The following RADIL variants were observed in gnomAD, a reference collection of about 807,000 sequenced individuals.
RADIL encodes ras-associating and dilute domain-containing protein.
RADIL carries 99 observed loss-of-function variants against 97.6 expected under a neutral mutation model. That is an observed-to-expected ratio of 1.01 (90% CI 0.86 to 1.20). The LOEUF (loss-of-function observed/expected upper bound fraction) is 1.20. RADIL is among the 50% of genes most tolerant of loss of function. The pLI is 0.00. For synonymous variants in RADIL, 803 were observed against 691.8 expected (o/e 1.16, Z -2.52); for missense variants, 1,765 against 1,498.9 (o/e 1.18, Z -2.93).
chr7:4,872,969 G>A lies in RADIL; in HGVS notation c.535+4636C>T, dbSNP rs1033387773. Among the ~76,000 whole-genome samples, 1 of 152,082 alleles carries A rather than the reference G, an allele frequency of 6.6e-6. No individual in the cohort carries two copies. The highest frequency in any genetic ancestry group is 1.5e-5 in the Non-Finnish European group (1 of 68,014). On this transcript the variant is annotated intron_variant, in intron 2 of 14. Transcript: ENST00000399583. This position sits in a 1 kb window ranked among gnomAD's most constrained non-coding sequence, Gnocchi z 5.8. ...TGTTTTTCTTTTGAGTCAGAGTCTC[G>A]CTCTGTCACCCAGGCTGGAGTGCAG...
chr7:4,799,370 C>T lies in RADIL; in HGVS notation c.*8G>A. On this transcript the variant is annotated 3_prime_UTR_variant, in exon 15 of 15. Coordinates refer to ENST00000399583, the MANE Select transcript of RADIL (RefSeq NM_018059.5). ...TGCCGGGCCTGTGGGGGTGTCCTCG[C>T]AGCCCCCCTAGAGAGGGGGCGTGCG... 1 of 1,612,802 alleles carries T rather than the reference C, an allele frequency of 6.2e-7. No individual in the cohort carries two copies. Among genetic ancestry groups the T allele is most frequent in the Non-Finnish European group, 8.5e-7 (1 of 1,179,324 alleles).
chr7:4,825,694 G>A (rs1583285255), intron 5 of RADIL, among the ~76,000 whole-genome samples: 1 of 151,690 alleles, frequency 6.6e-6, no homozygotes, highest in East Asian at 2.0e-4. Context: ...TGACCAACAT[G>A]GTGAAACCCC....
intron 1 of RADIL, among the ~76,000 whole-genome samples, chr7:4,882,470 C>T (rs1583335987): frequency 6.6e-6 from 1 of 152,320 alleles, no homozygotes; most frequent in Middle Eastern, 3.4e-3. Context: ...CTCTTGTTCT[C>T]AAGGAAGGGT....
At chr7:4,848,236 T>C (rs887434860) in intron 2 of RADIL, among the ~76,000 whole-genome samples, 1 of 150,130 alleles carries the variant, frequency 6.7e-6, no homozygotes, top group African/African-American at 2.5e-5. Context: ...AAAAAATTGC[T>C]AAGACTGGAC....
At chr7:4,827,912 AAAC>A (rs1783042773) in intron 5 of RADIL, among the ~76,000 whole-genome samples, 1 of 141,726 alleles carries the variant, frequency 7.1e-6, no homozygotes, top group African/African-American at 2.8e-5. Context: ...ACAAACAAAC[AAAC>A]AAAAAAAAAC....
rs686131 is a variant in RADIL at position 4,850,034 on chromosome 7, C to T, written c.536-13429G>A. Among the ~76,000 whole-genome samples, 33 of 151,772 alleles carry T rather than the reference C, an allele frequency of 2.2e-4. No individual in the cohort carries two copies. The East Asian group carries it at 5.6e-3, about 26-fold the overall frequency. ...CAATCCCCAAATACATAGAGTGTTT[C>T]GTCTACACCAAGGAATATTCCATAA... On this transcript the variant is annotated intron_variant, in intron 2 of 14. Transcript: ENST00000399583.
chr7:4,805,941 A>G, intron 9 of RADIL: 2 of 985,206 alleles, frequency 2.0e-6, no homozygotes, highest in Non-Finnish European at 2.4e-6. Flanking sequence ...GCCATCGGGA[A>G]CCCCCTGCCC....
At chr7:4,810,649 C>A (rs1295425812) in intron 9 of RADIL, among the ~76,000 whole-genome samples, 1 of 152,240 alleles carries the variant, frequency 6.6e-6, no homozygotes, top group East Asian at 1.9e-4. Context: ...ACGGAAGCAT[C>A]TCCGTCGGGG....
rs892337803 is a variant in RADIL at position 4,803,696 on chromosome 7, G to T, written c.2349C>A (p.Phe783Leu). 3 of 1,564,772 alleles carry T rather than the reference G, an allele frequency of 1.9e-6. No individual in the cohort carries two copies. The African/African-American group carries it at 4.1e-5, about 21-fold the overall frequency. Residue 783 changes from phenylalanine to leucine, a missense_variant, in exon 11 of 15, where the codon TTC (phenylalanine) becomes TTA (leucine). Phe to Leu is a conservative substitution (Grantham distance 22). Coordinates refer to ENST00000399583, the MANE Select transcript of RADIL (RefSeq NM_018059.5). Reference protein sequence around the residue: ...PPPIVLPSDGFQVDLEANCLD... With the variant: ...PPPIVLPSDGLQVDLEANCLD... The stretch of plus-strand genomic sequence containing the variant: ...GGCAGTTGGCTTCCAAGTCCACCTG[G>T]AAGCCGTCGCTGGGCAGGACGATGG...
In RADIL at chr7:4,873,650, A is replaced by C. The variant is rs1784303986; in HGVS notation, c.535+3955T>G. 6.6e-6 allele frequency among the ~76,000 whole-genome samples: 1 copy of C among 152,178 alleles called. No homozygotes were observed. Among genetic ancestry groups the C allele is most frequent in the Non-Finnish European group, 1.5e-5 (1 of 68,024 alleles). Reference sequence around the variant, plus strand: ...ACTTCAGTAGGATTTGTTTCACTGCAGCCCCCCACCTTCCCCCAAAGCGAC... The same window carrying C: ...ACTTCAGTAGGATTTGTTTCACTGCCGCCCCCCACCTTCCCCCAAAGCGAC... On this transcript the variant is annotated intron_variant, in intron 2 of 14. Transcript: ENST00000399583. The surrounding 1 kb of genome is among the most constrained non-coding windows in gnomAD (Gnocchi z 4.3).
In RADIL at chr7:4,814,537, G is replaced by A. The variant is rs1331749229; in HGVS notation, c.2139+741C>T. On this transcript the variant is annotated intron_variant, in intron 9 of 14. Transcript: ENST00000399583. This position sits in a 1 kb window ranked among gnomAD's most constrained non-coding sequence, Gnocchi z 4.5. ...TTACCTGTGATGACTGTGTTGGGAA[G>A]GGGGGTGGTGAGTGGCTGACTGTGT... 2.0e-5 allele frequency among the ~76,000 whole-genome samples: 3 copies of A among 152,042 alleles called. No individual in the cohort carries two copies.
At position 4,821,181 on chromosome 7, in the gene RADIL, C is replaced by T. The variant is rs1026679441; in HGVS notation, c.1615+1213G>A. On this transcript the variant is annotated intron_variant, in intron 6 of 14. Transcript: ENST00000399583. This position sits in a 1 kb window ranked among gnomAD's most constrained non-coding sequence, Gnocchi z 5.2. ...TGGAGCAGCTCTGAATGCACCACTC[C>T]CTACCCGGATCCTCCAGAAGCCAGA... 3.3e-5 allele frequency among the ~76,000 whole-genome samples: 5 copies of T among 152,188 alleles called. No individual in the cohort carries two copies. Among genetic ancestry groups the T allele is most frequent in the Non-Finnish European group, 7.3e-5 (5 of 68,030 alleles).
Position 4,878,648 on chromosome 7 carries a change from G to A in RADIL, c.-64-445C>T, listed in dbSNP as rs1784421336. 6.6e-6 allele frequency among the ~76,000 whole-genome samples: 1 copy of A among 152,254 alleles called. No individual in the cohort carries two copies. Among genetic ancestry groups the A allele is most frequent in the Non-Finnish European group, 1.5e-5 (1 of 68,036 alleles). Reference sequence around the variant, plus strand: ...AGCCTGCAGGGCCACCAGAGACCGAGAGGACTAAACGGGCTGGAGCGCCCT... The same window carrying A: ...AGCCTGCAGGGCCACCAGAGACCGAAAGGACTAAACGGGCTGGAGCGCCCT... On this transcript the variant is annotated intron_variant, in intron 1 of 14. Transcript: ENST00000399583. The surrounding 1 kb of genome is among the most constrained non-coding windows in gnomAD (Gnocchi z 4.1).
intron 2 of RADIL, chr7:4,859,959 T>A (rs751136080): frequency 1.2e-6 from 2 of 1,614,012 alleles, no homozygotes; most frequent in Non-Finnish European, 1.7e-6. Context: ...ATGAGACATG[T>A]TGAAGAAACA....
At chr7:4,875,052 C>T (rs1475337181) in intron 2 of RADIL, among the ~76,000 whole-genome samples, 6 of 147,566 alleles carry the variant, frequency 4.1e-5, no homozygotes, top group African/African-American at 5.4e-5. Context: ...ATTAGCCGGG[C>T]GTGGTGGCGG....
At chr7:4,861,747 C>A in intron 2 of RADIL, 1 of 1,503,564 alleles carries the variant, frequency 6.7e-7, no homozygotes, top group East Asian at 2.3e-5. Flanking sequence ...GAGGAGACGC[C>A]GTAGCGATTC....
rs1309917819 is a variant in RADIL at position 4,813,108 on chromosome 7, T to C, written c.2139+2170A>G. 4.2e-5 allele frequency among the ~76,000 whole-genome samples: 6 copies of C among 141,476 alleles called. No homozygotes were observed. Among genetic ancestry groups the C allele is most frequent in the Non-Finnish European group, 6.0e-5 (4 of 66,190 alleles). 92.8% of individuals were successfully genotyped at this position (141,476 alleles called of 152,430 possible). A position where few individuals can be genotyped will look rare whatever the true frequency, so the allele number is the denominator to read the frequency against. On this transcript the variant is annotated intron_variant, in intron 9 of 14. Coordinates refer to ENST00000399583, the MANE Select transcript of RADIL (RefSeq NM_018059.5). This position sits in a 1 kb window ranked among gnomAD's most constrained non-coding sequence, Gnocchi z 5.0. ...TCTCTCTCTCTCTCTCTCTTTCCTTTCTTTCTTTCTTTTCTTTCTTTCATA... is the reference window on the plus strand; with the variant it reads ...TCTCTCTCTCTCTCTCTCTTTCCTTCCTTTCTTTCTTTTCTTTCTTTCATA...
At chr7:4,812,952 C>T (rs1782583916) in intron 9 of RADIL, among the ~76,000 whole-genome samples, 1 of 152,178 alleles carries the variant, frequency 6.6e-6, no homozygotes, top group Admixed American at 6.5e-5. Context: ...TTAACTGCAG[C>T]CCACAGGTTT....
intron 11 of RADIL, among the ~76,000 whole-genome samples, chr7:4,802,268 G>C (rs940784300): frequency 2.6e-5 from 4 of 152,010 alleles, no homozygotes; most frequent in Non-Finnish European, 4.4e-5. Flanking sequence ...CTGTCCTCCC[G>C]GGCACCTCGG....
Sources: allele counts gnomAD v4.1 joint callset (sites outside exome capture counted in the v4.1 genomes callset), GRCh38; gene constraint gnomAD v4.1.1; non-coding constraint Gnocchi (gnomAD v3.1); transcripts MANE v1.5; gene names NCBI Gene and HGNC (gene_info 2026-07-23, HGNC 2026-07-21).